Variants in CNOT6L observed in about 807,000 individuals in gnomAD.
CNOT6L encodes the protein CCR4-NOT transcription complex subunit 6 like, also known as CCR4-NOT transcription complex subunit 6-like.
A neutral mutation model predicts 64.0 loss-of-function variants in CNOT6L; 7 were observed. The ratio of observed to expected loss-of-function variants is 0.11; its 90% CI spans 0.06 to 0.21. The LOEUF is 0.21. CNOT6L is among the 10% of genes least tolerant of loss of function. The probability of loss-of-function intolerance (pLI) is 1.00; values close to 1 mark genes in which losing one functional copy is unlikely to be tolerated. For missense variants in CNOT6L, 245 were observed against 669.0 expected (o/e 0.37, Z 6.99); for synonymous variants, 193 against 243.4 (o/e 0.79, Z 1.93).
At chr4:77,724,446 A>AT (rs1721611165) in intron 11 of CNOT6L, among the ~76,000 whole-genome samples, 1 of 151,786 alleles carries the variant, frequency 6.6e-6, no homozygotes, top group Non-Finnish European at 1.5e-5. Flanking sequence ...TGAGACCAGC[A>AT]TGGGCAACAT....
chr4:77,743,920 TA>T (rs1375984070), intron 7 of CNOT6L, among the ~76,000 whole-genome samples: 2 of 152,132 alleles, frequency 1.3e-5, no homozygotes, highest in African/African-American at 2.4e-5. Context: ...ACAACATTTT[TA>T]AACACCTTTA....
chr4:77,759,290 G>A (rs1725903953), intron 4 of CNOT6L, among the ~76,000 whole-genome samples: 2 of 151,902 alleles, frequency 1.3e-5, no homozygotes, highest in South Asian at 4.2e-4. Flanking sequence ...TTGTGGCTGG[G>A]CACGGTGGCT....
intron 5 of CNOT6L, among the ~76,000 whole-genome samples, chr4:77,752,907 T>C (rs1725005309): frequency 6.6e-6 from 1 of 151,748 alleles, no homozygotes; most frequent in African/African-American, 2.4e-5. Flanking sequence ...AAGCTAAAAG[T>C]TGGTTCTTCT....
chr4:77,796,714 G>A (rs1730890838), intron 1 of CNOT6L, among the ~76,000 whole-genome samples: 1 of 152,132 alleles, frequency 6.6e-6, no homozygotes. Flanking sequence ...ATAAGGTACT[G>A]ACAAAGATTA....
chr4:77,797,826 G>A (rs1488482875), intron 1 of CNOT6L, among the ~76,000 whole-genome samples: 2 of 152,104 alleles, frequency 1.3e-5, no homozygotes, highest in Non-Finnish European at 2.9e-5. Flanking sequence ...CCACAAATAA[G>A]GGTGGGACTA....
At chr4:77,807,534 T>C (rs1732391074) in intron 1 of CNOT6L, among the ~76,000 whole-genome samples, 2 of 152,068 alleles carry the variant, frequency 1.3e-5, no homozygotes, top group South Asian at 4.1e-4. Flanking sequence ...CCAAGTAAGG[T>C]TTCCCAAAGT....
At chr4:77,760,419 A>C (rs1035078966) in intron 4 of CNOT6L, among the ~76,000 whole-genome samples, 1 of 151,982 alleles carries the variant, frequency 6.6e-6, no homozygotes, top group African/African-American at 2.4e-5. Flanking sequence ...AAATGGAAAC[A>C]TGACACTATC....
At chr4:77,780,965 C>T (rs1210304613) in intron 1 of CNOT6L, among the ~76,000 whole-genome samples, 1 of 152,044 alleles carries the variant, frequency 6.6e-6, no homozygotes, top group African/African-American at 2.4e-5. Flanking sequence ...CACAGCAAGA[C>T]CCTGCCTCTA....
At chr4:77,818,717 G>A (rs983283887) in intron 1 of CNOT6L, among the ~76,000 whole-genome samples, 1 of 152,038 alleles carries the variant, frequency 6.6e-6, no homozygotes, top group Non-Finnish European at 1.5e-5. Context: ...TCCCGCCTCC[G>A]ACCCTCACCT....
chr4:77,802,503 T>A (rs1034397420), intron 1 of CNOT6L, among the ~76,000 whole-genome samples: 1 of 152,204 alleles, frequency 6.6e-6, no homozygotes, highest in African/African-American at 2.4e-5. Context: ...ACAGTACTCA[T>A]CCCACATGGC....
At chr4:77,745,676 C>T (rs1287981801) in intron 6 of CNOT6L, among the ~76,000 whole-genome samples, 1 of 152,160 alleles carries the variant, frequency 6.6e-6, no homozygotes, top group Non-Finnish European at 1.5e-5. Context: ...AGTAGAATCA[C>T]TTTGTAGACC....
intron 5 of CNOT6L, among the ~76,000 whole-genome samples, chr4:77,749,456 T>A (rs1724605084): frequency 6.6e-6 from 1 of 152,090 alleles, no homozygotes; most frequent in Non-Finnish European, 1.5e-5. Flanking sequence ...AACAAAAAAA[T>A]TTCTAGCTAT....
intron 3 of CNOT6L, among the ~76,000 whole-genome samples, chr4:77,774,273 GAGACTTACTATTTT>G (rs1727923393): frequency 6.6e-6 from 1 of 152,074 alleles, no homozygotes; most frequent in South Asian, 2.1e-4. Context: ...ATTGGATAAT[GAGACTTACTATTTT>G]AGCCCCACCC....
intron 11 of CNOT6L, among the ~76,000 whole-genome samples, chr4:77,722,606 C>T (rs1212355874): frequency 6.6e-6 from 1 of 152,136 alleles, no homozygotes; most frequent in Non-Finnish European, 1.5e-5. Context: ...TGCTAGAGTT[C>T]TTTGCAAACG....
intron 1 of CNOT6L, among the ~76,000 whole-genome samples, chr4:77,783,456 T>G (rs2074394960): frequency 6.6e-6 from 1 of 152,242 alleles, no homozygotes. Context: ...ATTTGGCATT[T>G]CTTGTTACTA....
chr4:77,755,907 A>C (rs1409726042), intron 5 of CNOT6L, among the ~76,000 whole-genome samples: 1 of 151,532 alleles, frequency 6.6e-6, no homozygotes, highest in African/African-American at 2.4e-5. Flanking sequence ...ACTTTTACTC[A>C]TATTTTCAGA....
chr4:77,722,665 T>C (rs921734411), intron 11 of CNOT6L, among the ~76,000 whole-genome samples: 2 of 152,216 alleles, frequency 1.3e-5, no homozygotes, highest in African/African-American at 4.8e-5. Context: ...ACGCTTTTAA[T>C]TGAATGCATC....
At chr4:77,739,588 T>C (rs1723352840) in intron 8 of CNOT6L, among the ~76,000 whole-genome samples, 1 of 152,196 alleles carries the variant, frequency 6.6e-6, no homozygotes. Flanking sequence ...TGGATAAATA[T>C]CTGGTACTGG....
chr4:77,750,541 G>A (rs1043367467), intron 5 of CNOT6L, among the ~76,000 whole-genome samples: 1 of 152,010 alleles, frequency 6.6e-6, no homozygotes, highest in African/African-American at 2.4e-5. Flanking sequence ...TTTCAGTAGA[G>A]ACGTGGTTTC....
Sources: gnomAD v4.1 joint callset for allele counts (sites outside exome capture counted in the v4.1 genomes callset) on GRCh38, gnomAD v4.1.1 for gene constraint, MANE v1.5 for transcripts, NCBI Gene and HGNC (gene_info 2026-07-23, HGNC 2026-07-21) for gene names.